Variants in SOBP observed in about 807,000 individuals in gnomAD.
The protein encoded by SOBP is sine oculis-binding protein homolog.
In SOBP, 4 loss-of-function variants were observed where a neutral mutation model predicts 53.6. That is an observed-to-expected ratio of 0.07 (90% CI 0.04 to 0.17). The LOEUF is 0.17. Among genes scored for constraint, SOBP ranks in the 10% least tolerant of loss-of-function variants. The probability of loss-of-function intolerance (pLI) is 1.00; values close to 1 mark genes in which losing one functional copy is unlikely to be tolerated. For missense variants in SOBP, 1,088 were observed against 1,204.7 expected, an observed-to-expected ratio of 0.90 and a Z score of 1.43; for synonymous variants, 584 against 522.6, an observed-to-expected ratio of 1.12 and a Z score of -1.60.
chr6:107,532,185 A>AT (rs1314761623), intron 3 of SOBP, among the ~76,000 whole-genome samples: 4 of 151,782 alleles, frequency 2.6e-5, no homozygotes, highest in African/African-American at 9.7e-5. Flanking sequence ...ATGTGGGTTA[A>AT]TAAAAAAAAA....
At position 107,569,866 on chromosome 6, in the gene SOBP, G is replaced by A. The variant is rs1325988667; in HGVS notation, c.574-17214G>A. ...CCCCACCTGGGAAGGAAACCCATGT[G>A]TTCTGCAGCCGCCTGCATTCTCACC... On this transcript the variant is annotated intron_variant, in intron 4 of 6. Coordinates refer to ENST00000317357, the MANE Select transcript of SOBP (RefSeq NM_018013.4). Among the ~76,000 whole-genome samples the A allele has an allele frequency of 2.0e-5, 3 of 152,324 alleles. No individual in the cohort carries two copies. In the East Asian group the frequency reaches 5.8e-4, roughly 29 times the overall value.
At chr6:107,526,480 C>T (rs542718848) in intron 3 of SOBP, among the ~76,000 whole-genome samples, 1 of 152,344 alleles carries the variant, frequency 6.6e-6, no homozygotes, top group African/African-American at 2.4e-5. Context: ...TGCAGTTCCA[C>T]TGTCCTTTCT....
intron 5 of SOBP, among the ~76,000 whole-genome samples, chr6:107,602,639 A>G (rs968416805): frequency 1.1e-4 from 17 of 152,038 alleles, no homozygotes; most frequent in Non-Finnish European, 2.2e-4. Flanking sequence ...AAGGCAACAC[A>G]AAGAGCAAAT....
intron 3 of SOBP, among the ~76,000 whole-genome samples, chr6:107,517,497 T>A (rs927509682): frequency 6.6e-6 from 1 of 152,180 alleles, no homozygotes. Flanking sequence ...ATCCTCATGA[T>A]CTCATTTAAC....
chr6:107,630,066 C>A (rs1476375429), intron 5 of SOBP, among the ~76,000 whole-genome samples: 1 of 152,194 alleles, frequency 6.6e-6, no homozygotes, highest in East Asian at 1.9e-4. Flanking sequence ...TCTGTCCAAT[C>A]TAGGACCTGT....
At chr6:107,616,852 T>A (rs1786811761) in intron 5 of SOBP, among the ~76,000 whole-genome samples, 1 of 152,132 alleles carries the variant, frequency 6.6e-6, no homozygotes, top group Admixed American at 6.5e-5. Context: ...TGGCCTAGAA[T>A]CCCTATTCCA....
At chr6:107,600,762 C>T (rs1237693690) in intron 5 of SOBP, among the ~76,000 whole-genome samples, 1 of 152,116 alleles carries the variant, frequency 6.6e-6, no homozygotes, top group Non-Finnish European at 1.5e-5. Context: ...GCAAGTGCCA[C>T]ATACCATCAT....
chr6:107,563,840 C>A (rs1173970853), intron 4 of SOBP, among the ~76,000 whole-genome samples: 1 of 152,116 alleles, frequency 6.6e-6, no homozygotes, highest in African/African-American at 2.4e-5. Context: ...TACAGGGAGG[C>A]CCTCACAGCT....
rs1772228732 is a variant in SOBP, at chr6:107,659,971, A to C, written c.*1768A>C. On this transcript the variant is annotated 3_prime_UTR_variant, in exon 7 of 7. Transcript: ENST00000317357. ...AGTAAACAAAAGAAAACCTTCCAGC[A>C]ACAAATTAAAAAATAATAACAAATC... 6.6e-6 allele frequency: 1 copy of C among 152,346 alleles called. No individual in the cohort carries two copies. Among genetic ancestry groups the C allele is most frequent in the African/African-American group, 2.4e-5 (1 of 41,424 alleles). The allele number at this position is 152,346 out of a possible 1,614,324, so 9.4% of individuals were successfully genotyped here. A position where few individuals can be genotyped will look rare whatever the true frequency, so the allele number is the denominator to read the frequency against.
chr6:107,500,928 T>C (rs3920558), intron 1 of SOBP, among the ~76,000 whole-genome samples: 140,926 of 152,258 alleles, frequency 0.93, 65,514 homozygotes, highest in Middle Eastern at 0.96. Flanking sequence ...CTACAAAAAA[T>C]TTTGGTGTTC....
At chr6:107,527,123 A>C (rs939677891) in intron 3 of SOBP, among the ~76,000 whole-genome samples, 1 of 152,198 alleles carries the variant, frequency 6.6e-6, no homozygotes, top group Admixed American at 6.5e-5. Context: ...AGTGGCAGAC[A>C]TTTTCAGTTG....
At chr6:107,511,907 C>T (rs1583159059) in intron 3 of SOBP, among the ~76,000 whole-genome samples, 4 of 152,140 alleles carry the variant, frequency 2.6e-5, no homozygotes, top group Admixed American at 2.6e-4. Flanking sequence ...TGGTAACAGA[C>T]GTGTTATAAA....
chr6:107,503,825 G>T, intron 2 of SOBP, 30 bp downstream of exon 2: 1 of 1,612,258 alleles, frequency 6.2e-7, no homozygotes, highest in Non-Finnish European at 8.5e-7. Flanking sequence ...TTTTGTTCAT[G>T]CAAAGAAGGA....
Position 107,634,244 on chromosome 6 carries a change from C to G in SOBP, c.1400C>G (p.Thr467Ser), listed in dbSNP as rs1412706484. 1.9e-6 allele frequency: 3 copies of G among 1,579,526 alleles called. No homozygotes were observed. The highest frequency in any genetic ancestry group is 2.6e-6 in the Non-Finnish European group (3 of 1,167,844). The change falls in exon 6 of 7, where the codon ACC becomes AGC. Residue 467 changes from threonine (T) to serine (S), a missense_variant. Physicochemically the swap from Thr to Ser is moderately conservative, Grantham distance 58 (BLOSUM62 1). Around this residue, in one of 6 missense-constraint regions of SOBP, gnomAD observed 665 missense variants for 629.7 expected, o/e 1.06. Transcript: ENST00000317357. The surrounding 1 kb of genome is among the most constrained non-coding windows in gnomAD (Gnocchi z 4.5). Reference sequence around the variant, plus strand: ...CACATCCACCCCCCGAGCACCCCCACCATGCCCGGGAACCCCCCAGGCCTG... The same window carrying G: ...CACATCCACCCCCCGAGCACCCCCAGCATGCCCGGGAACCCCCCAGGCCTG... ...SPHIHPPSTP[T>S]MPGNPPGLLP... is the part of the protein sequence containing the mutation.
chr6:107,586,575 G>A (rs550405304), intron 4 of SOBP, among the ~76,000 whole-genome samples: 5 of 148,962 alleles, frequency 3.4e-5, no homozygotes, highest in East Asian at 2.0e-4. Flanking sequence ...CCAGATCATC[G>A]CTCCTTTTAG....
At chr6:107,496,721 C>T (rs1782707567) in intron 1 of SOBP, among the ~76,000 whole-genome samples, 1 of 152,150 alleles carries the variant, frequency 6.6e-6, no homozygotes, top group African/African-American at 2.4e-5. Flanking sequence ...GGAATCTGGC[C>T]ACCCTTACTA....
At chr6:107,625,393 G>C (rs1562108972) in intron 5 of SOBP, among the ~76,000 whole-genome samples, 1 of 152,212 alleles carries the variant, frequency 6.6e-6, no homozygotes, top group Non-Finnish European at 1.5e-5. Context: ...ATGAAGCAAT[G>C]CAAGTAAAGC....
chr6:107,553,788 T>C (rs541517994), intron 4 of SOBP, among the ~76,000 whole-genome samples: 1 of 152,156 alleles, frequency 6.6e-6, no homozygotes, highest in South Asian at 2.1e-4. Flanking sequence ...GCCTGGCCAA[T>C]TTTTTGTACT....
intron 1 of SOBP, among the ~76,000 whole-genome samples, chr6:107,497,741 C>T (rs1782737831): frequency 6.6e-6 from 1 of 151,964 alleles, no homozygotes; most frequent in African/African-American, 2.4e-5. Context: ...CATTATATGC[C>T]CAAACTATAA....
Sources: gnomAD v4.1 joint callset for allele counts (sites outside exome capture counted in the v4.1 genomes callset) on GRCh38, gnomAD v4.1.1 for gene constraint, gnomAD v4.1.1 regional missense constraint, Gnocchi (gnomAD v3.1) non-coding constraint, MANE v1.5 for transcripts, NCBI Gene and HGNC (gene_info 2026-07-23, HGNC 2026-07-21) for gene names.